Variants in STK3 observed in about 807,000 individuals in gnomAD.
STK3 encodes serine/threonine kinase 3.
Under a neutral mutation model 58.0 loss-of-function variants are expected in STK3, and 41 were observed. That is an observed-to-expected ratio of 0.71 (90% CI 0.55 to 0.92). The LOEUF is 0.92. Among genes scored for constraint, STK3 ranks in the 40% least tolerant of loss-of-function variants. The pLI, the probability that STK3 is intolerant of heterozygous loss-of-function variation, is 0.00. For synonymous variants in STK3, 170 were observed against 191.0 expected (o/e 0.89, Z 0.91); for missense variants, 479 against 602.7 (o/e 0.79, Z 2.15).
At chr8:98,923,854 T>TGTGCGCGCGCGCGC (rs1491486943) in intron 1 of STK3, among the ~76,000 whole-genome samples, 1 of 113,618 alleles carries the variant, frequency 8.8e-6, no homozygotes, top group African/African-American at 3.4e-5. Flanking sequence ...TGTGTGTGTG[T>TGTGCGCGCGCGCGC]GCGCGCGCGC....
At chr8:98,501,075 T>C (rs1406647395) in intron 10 of STK3, among the ~76,000 whole-genome samples, 4 of 152,138 alleles carry the variant, frequency 2.6e-5, no homozygotes. Context: ...GCATCTGTTG[T>C]TTCCTGACTT....
chr8:98,592,729 CTTACTTTATTTATTTA>C (rs1425929320), intron 7 of STK3, among the ~76,000 whole-genome samples: 2 of 145,374 alleles, frequency 1.4e-5, no homozygotes, highest in African/African-American at 5.1e-5. Flanking sequence ...TGCTCACTGA[CTTACTTTATTTATTTA>C]TTTATTTATT....
chr8:98,793,632 C>T (rs904306310), intron 1 of STK3, among the ~76,000 whole-genome samples: 1 of 152,086 alleles, frequency 6.6e-6, no homozygotes, highest in Admixed American at 6.5e-5. Context: ...ATTAGCCTGA[C>T]CACTGAGGCA....
At chr8:98,634,311 A>C (rs545620200) in intron 6 of STK3, among the ~76,000 whole-genome samples, 1 of 152,192 alleles carries the variant, frequency 6.6e-6, no homozygotes, top group South Asian at 2.1e-4. Flanking sequence ...ACATGGTGAA[A>C]CCCTGTCTCT....
chr8:98,666,554 T>A (rs1471674272), intron 6 of STK3, among the ~76,000 whole-genome samples: 1 of 152,192 alleles, frequency 6.6e-6, no homozygotes, highest in Non-Finnish European at 1.5e-5. Flanking sequence ...AAACAAAGAT[T>A]TGCTGGTCTA....
chr8:98,626,570 G>C (rs1587073185), intron 6 of STK3, among the ~76,000 whole-genome samples: 1 of 152,182 alleles, frequency 6.6e-6, no homozygotes, highest in Non-Finnish European at 1.5e-5. Context: ...TGCTTTAGGA[G>C]GTCAGGGGTA....
At chr8:98,917,975 A>G (rs184000867) in intron 1 of STK3, among the ~76,000 whole-genome samples, 80 of 152,338 alleles carry the variant, frequency 5.3e-4, no homozygotes, top group African/African-American at 1.8e-3. Context: ...CCTAGTAACA[A>G]TAAAGGTAAG....
intron 9 of STK3, among the ~76,000 whole-genome samples, chr8:98,527,321 C>T (rs1227319156): frequency 1.3e-5 from 2 of 152,100 alleles, no homozygotes; most frequent in Middle Eastern, 3.4e-3. Flanking sequence ...ACATTTTCAG[C>T]TGTAAGAAAT....
At chr8:98,603,881 G>A (rs764946935) in intron 6 of STK3, among the ~76,000 whole-genome samples, 1 of 152,092 alleles carries the variant, frequency 6.6e-6, no homozygotes, top group Non-Finnish European at 1.5e-5. Flanking sequence ...TCTAATCCCC[G>A]GACTTGTGAA....
chr8:98,779,310 C>T (rs1831932328), intron 1 of STK3, among the ~76,000 whole-genome samples: 1 of 151,886 alleles, frequency 6.6e-6, no homozygotes, highest in African/African-American at 2.4e-5. Context: ...TATTTTTTTT[C>T]CACTGTATTA....
chr8:98,514,814 C>CT (rs888310803), intron 10 of STK3, among the ~76,000 whole-genome samples: 16 of 152,188 alleles, frequency 1.1e-4, no homozygotes, highest in African/African-American at 3.6e-4. Context: ...TTTCAACTAT[C>CT]TAATAGATTT....
intron 6 of STK3, among the ~76,000 whole-genome samples, chr8:98,655,380 C>G (rs1310547620): frequency 2.6e-5 from 4 of 152,142 alleles, no homozygotes; most frequent in African/African-American, 9.7e-5. Flanking sequence ...ACCAGAAAAA[C>G]CCTAGAAGAA....
At chr8:98,373,307 C>T (rs1242663708) in intron 2 of STK3, among the ~76,000 whole-genome samples, 1 of 152,204 alleles carries the variant, frequency 6.6e-6, no homozygotes, top group African/African-American at 2.4e-5. Flanking sequence ...TAACAGGATT[C>T]TAGATCCACA....
At chr8:98,585,435 G>C (rs1319962522) in intron 7 of STK3, among the ~76,000 whole-genome samples, 7 of 151,608 alleles carry the variant, frequency 4.6e-5, no homozygotes, top group African/African-American at 7.3e-5. Context: ...TAAGGGCTCT[G>C]TTCTGTTCCA....
intron 8 of STK3, among the ~76,000 whole-genome samples, chr8:98,549,965 C>T (rs142733126): frequency 3.0e-4 from 45 of 152,210 alleles, no homozygotes; most frequent in Middle Eastern, 3.4e-3. Flanking sequence ...TATGATGGTG[C>T]CACTGCTCTC....
chr8:98,352,009 T>A, the STK3 span, among the ~76,000 whole-genome samples: 7 of 151,776 alleles, frequency 4.6e-5, no homozygotes, highest in Non-Finnish European at 7.4e-5. Context: ...AATACAAAAA[T>A]TAGCCAGATC....
intron 6 of STK3, among the ~76,000 whole-genome samples, chr8:98,694,311 G>A (rs1459952149): frequency 6.6e-6 from 1 of 152,102 alleles, no homozygotes; most frequent in Non-Finnish European, 1.5e-5. Context: ...AGTAGGTAGT[G>A]TAAGGACACA....
intron 8 of STK3, among the ~76,000 whole-genome samples, chr8:98,568,919 C>T (rs189100302): frequency 2.6e-5 from 4 of 152,222 alleles, no homozygotes; most frequent in African/African-American, 9.6e-5. Context: ...TCACATAGAA[C>T]TGAAGGGTGT....
intron 1 of STK3, among the ~76,000 whole-genome samples, chr8:98,811,731 T>C (rs769404594): frequency 1.2e-4 from 19 of 152,212 alleles, no homozygotes; most frequent in South Asian, 8.3e-4. Context: ...AATTATACAT[T>C]GAGGAGTCTG....
Sources: gnomAD v4.1 joint callset for allele counts (sites outside exome capture counted in the v4.1 genomes callset) on GRCh38, gnomAD v4.1.1 for gene constraint, MANE v1.5 for transcripts, NCBI Gene and HGNC (gene_info 2026-07-23, HGNC 2026-07-21) for gene names.